The following LDAH variants were observed in gnomAD, a reference collection of about 807,000 sequenced individuals.
LDAH encodes lipid droplet-associated hydrolase.
Under a neutral mutation model 29.6 loss-of-function variants are expected in LDAH, and 26 were observed. That is an observed-to-expected ratio of 0.88 (90% CI 0.64 to 1.22). The LOEUF (loss-of-function observed/expected upper bound fraction) is 1.22, where lower values mean the gene tolerates loss of function less well. Ranked by LOEUF, LDAH falls within the 50% of genes most tolerant of loss-of-function variation. The pLI is 0.00. For missense variants in LDAH, 344 were observed against 387.3 expected (o/e 0.89, Z 0.94); for synonymous variants, 117 against 133.0 (o/e 0.88, Z 0.83).
chr2:20,746,577 CT>C (rs1667584772), intron 4 of LDAH, among the ~76,000 whole-genome samples: 1 of 152,024 alleles, frequency 6.6e-6, no homozygotes, highest in Non-Finnish European at 1.5e-5. Flanking sequence ...TTATTACCTG[CT>C]GGGTGACACT....
In LDAH at chr2:20,792,853, G is replaced by A. The variant is rs367950493; in HGVS notation, c.155-2455C>T. On this transcript the variant is annotated intron_variant, in intron 2 of 6. Transcript: ENST00000237822. Reference sequence around the variant, plus strand: ...GTTGACAGGTGCAGCAAACCACCATGGCACATGTATACCTATGTAACAAAC... The same window carrying A: ...GTTGACAGGTGCAGCAAACCACCATAGCACATGTATACCTATGTAACAAAC... Among the ~76,000 whole-genome samples the A allele has an allele frequency of 1.5e-3, 235 of 152,110 alleles. 2 individuals are homozygous for A. Among genetic ancestry groups the A allele is most frequent in the African/African-American group, 5.3e-3 (221 of 41,512 alleles).
At position 20,717,983 on chromosome 2, in the gene LDAH, T is replaced by C. The variant is rs548461243; in HGVS notation, c.704-16331A>G. On this transcript the variant is annotated intron_variant, in intron 5 of 6. Transcript: ENST00000237822. ...TAGGTAACTTCTTATAACTATAAAATGTTTTTGTAAGCACTATAGTAACCC... is the reference window on the plus strand; with the variant it reads ...TAGGTAACTTCTTATAACTATAAAACGTTTTTGTAAGCACTATAGTAACCC... Among the ~76,000 whole-genome samples, 6 of 152,298 alleles carry C rather than the reference T, an allele frequency of 3.9e-5. No homozygotes were observed. The East Asian group carries it at 9.6e-4, about 24-fold the overall frequency.
intron 1 of LDAH, among the ~76,000 whole-genome samples, chr2:20,804,205 C>A (rs191329294): frequency 2.6e-5 from 4 of 152,246 alleles, no homozygotes; most frequent in Admixed American, 1.3e-4. Context: ...TGTGTCCCTG[C>A]CCAGATTGAA....
intron 5 of LDAH, among the ~76,000 whole-genome samples, chr2:20,723,779 C>T (rs575520124): frequency 1.3e-4 from 20 of 152,200 alleles, no homozygotes; most frequent in African/African-American, 4.6e-4. Context: ...AACAGCATTC[C>T]TGGAAATCCA....
chr2:20,793,965 T>G lies in LDAH; in HGVS notation c.155-3567A>C, dbSNP rs1002601001. ...AGAAAAATGCCCAGTGTATAAAAAC[T>G]CTTTCAGAAAATAGAAGAGAAATGT... On this transcript the variant is annotated intron_variant, in intron 2 of 6. Coordinates refer to ENST00000237822, the MANE Select transcript of LDAH (RefSeq NM_021925.4). Among the ~76,000 whole-genome samples, 3 of 152,124 alleles carry G rather than the reference T, an allele frequency of 2.0e-5. No homozygotes were observed. The South Asian group carries it at 6.2e-4, about 32-fold the overall frequency.
chr2:20,771,774 GCACA>G (rs1558462928), intron 4 of LDAH, among the ~76,000 whole-genome samples: 1 of 842 alleles, frequency 1.2e-3, no homozygotes, highest in African/African-American at 1.7e-3. Context: ...ACAATTTATT[GCACA>G]CATTATTTTC....
intron 4 of LDAH, among the ~76,000 whole-genome samples, chr2:20,743,112 A>C (rs904754251): frequency 2.0e-5 from 3 of 152,014 alleles, no homozygotes; most frequent in African/African-American, 7.2e-5. Context: ...CTGGTAGTTA[A>C]ATTAATATAG....
At position 20,684,942 on chromosome 2, in the gene LDAH, G is replaced by A. The variant is rs937185499; in HGVS notation, c.*1961C>T. The A allele has an allele frequency of 2.6e-6, 4 of 1,549,592 alleles. No individual in the cohort carries two copies. Among genetic ancestry groups the A allele is most frequent in the Non-Finnish European group, 3.5e-6 (4 of 1,146,614 alleles). ...CTTCCACCTATGAAAAAAGCAATGAGAAAGGTGGCTTTTCACTTTAAAAGA... is the reference window on the plus strand; with the variant it reads ...CTTCCACCTATGAAAAAAGCAATGAAAAAGGTGGCTTTTCACTTTAAAAGA... On this transcript the variant is annotated 3_prime_UTR_variant, in exon 7 of 7. Transcript: ENST00000237822.
intron 5 of LDAH, among the ~76,000 whole-genome samples, chr2:20,726,982 G>A (rs1666063479): frequency 6.6e-6 from 1 of 152,136 alleles, no homozygotes; most frequent in Non-Finnish European, 1.5e-5. Flanking sequence ...ATCACCTCTT[G>A]TCCTAAATCC....
intron 5 of LDAH, among the ~76,000 whole-genome samples, chr2:20,710,750 CAT>C (rs915295205): frequency 1.4e-5 from 2 of 148,006 alleles, no homozygotes; most frequent in Admixed American, 6.8e-5. Context: ...TACACATATA[CAT>C]ATATATACAC....
chr2:20,754,994 G>C (rs891867773), intron 4 of LDAH, among the ~76,000 whole-genome samples: 10 of 152,142 alleles, frequency 6.6e-5, no homozygotes, highest in African/African-American at 2.4e-4. Context: ...TACTGACATT[G>C]ATAACTGTAC....
intron 2 of LDAH, 159 bp downstream of exon 2, chr2:20,801,151 C>T: frequency 1.5e-6 from 1 of 676,092 alleles, no homozygotes; most frequent in South Asian, 2.3e-5. Flanking sequence ...AACACAAAAT[C>T]CAGACGTCAA....
intron 5 of LDAH, among the ~76,000 whole-genome samples, chr2:20,716,714 C>CT (rs1367667199): frequency 8.6e-6 from 1 of 116,628 alleles, no homozygotes; most frequent in Non-Finnish European, 2.0e-5. Flanking sequence ...TACCCTAGAA[C>CT]TTTAAGTATA....
intron 4 of LDAH, among the ~76,000 whole-genome samples, chr2:20,772,774 A>G (rs1669519962): frequency 6.6e-6 from 1 of 152,216 alleles, no homozygotes; most frequent in African/African-American, 2.4e-5. Context: ...GACACGTTAA[A>G]GAAGGTGGCC....
intron 2 of LDAH, among the ~76,000 whole-genome samples, chr2:20,798,264 A>G (rs1169265564): frequency 1.3e-5 from 2 of 152,190 alleles, no homozygotes; most frequent in African/African-American, 4.8e-5. Flanking sequence ...GAAACGAGGG[A>G]TCCAAGCCAG....
At chr2:20,766,424 T>A (rs949539558) in intron 4 of LDAH, among the ~76,000 whole-genome samples, 3 of 152,212 alleles carry the variant, frequency 2.0e-5, no homozygotes, top group Non-Finnish European at 2.9e-5. Flanking sequence ...TCACTTTATA[T>A]CCTCTGCCAT....
intron 4 of LDAH, among the ~76,000 whole-genome samples, chr2:20,743,966 T>C (rs1667392828): frequency 6.6e-6 from 1 of 151,964 alleles, no homozygotes; most frequent in Non-Finnish European, 1.5e-5. Flanking sequence ...AGAGACTCTT[T>C]CTTCAGCCAT....
At chr2:20,790,743 G>A (rs1670889527) in intron 2 of LDAH, among the ~76,000 whole-genome samples, 1 of 152,276 alleles carries the variant, frequency 6.6e-6, no homozygotes, top group South Asian at 2.1e-4. Context: ...GAGCTTTAAG[G>A]AGTCTACTGT....
chr2:20,711,248 C>T (rs1572449369), intron 5 of LDAH, among the ~76,000 whole-genome samples: 2 of 151,822 alleles, frequency 1.3e-5, no homozygotes, highest in African/African-American at 4.8e-5. Context: ...ATTAGCCAGG[C>T]GTGGTGGTGG....
Sources: allele counts gnomAD v4.1 joint callset (sites outside exome capture counted in the v4.1 genomes callset), GRCh38; gene constraint gnomAD v4.1.1; transcripts MANE v1.5; gene names NCBI Gene and HGNC (gene_info 2026-07-23, HGNC 2026-07-21).